The following ANXA7 variants were observed in gnomAD, a reference collection of about 807,000 sequenced individuals.
The protein encoded by ANXA7 is annexin A7.
Under a neutral mutation model 64.9 loss-of-function variants are expected in ANXA7, and 55 were observed. The observed-to-expected ratio is 0.85, with a 90% CI of 0.68 to 1.06. The LOEUF (loss-of-function observed/expected upper bound fraction) is 1.06, where lower values mean the gene tolerates loss of function less well. ANXA7 is among the 50% of genes least tolerant of loss of function. The probability of loss-of-function intolerance (pLI) is 0.00; values close to 1 mark genes in which losing one functional copy is unlikely to be tolerated. For synonymous variants in ANXA7, 200 were observed against 192.4 expected, an observed-to-expected ratio of 1.04 and a Z score of -0.33; for missense variants, 548 against 582.1, an observed-to-expected ratio of 0.94 and a Z score of 0.60.
intron 5 of ANXA7, among the ~76,000 whole-genome samples, chr10:73,389,460 G>A (rs1334992754): frequency 6.6e-6 from 1 of 152,172 alleles, no homozygotes; most frequent in Non-Finnish European, 1.5e-5. Context: ...GTTATTTCCT[G>A]ATTTTGATCA....
At position 73,376,048 on chromosome 10, in the gene ANXA7, A is replaced by G. The variant is rs1315694039; in HGVS notation, c.*47T>C. On this transcript the variant is annotated 3_prime_UTR_variant, in exon 13 of 13. Coordinates refer to ENST00000372921, the MANE Select transcript of ANXA7 (RefSeq NM_001156.5). Reference sequence around the variant, plus strand: ...CATGCAGGTCATTGCTCTGAAGGATAAGCTATGAATAGAAATTTTTTTTCA... The same window carrying G: ...CATGCAGGTCATTGCTCTGAAGGATGAGCTATGAATAGAAATTTTTTTTCA... 2.7e-6 allele frequency: 4 copies of G among 1,461,994 alleles called. No individual in the cohort carries two copies. The highest frequency in any genetic ancestry group is 1.4e-5 in the African/African-American group (1 of 69,140). The allele number at this position is 1,461,994 out of a possible 1,614,324, so 90.6% of individuals were successfully genotyped here. A position where few individuals can be genotyped will look rare whatever the true frequency, so the allele number is the denominator to read the frequency against.
chr10:73,403,752 T>C lies in ANXA7; in HGVS notation c.-1-2895A>G, dbSNP rs745801764. ...TCCCCTCCAGAGGGGCTGTACCAAT[T>C]TGCATTTTCACCAGCACTGCCAACA... On this transcript the variant is annotated intron_variant, in intron 1 of 12. Coordinates refer to ENST00000372921, the MANE Select transcript of ANXA7 (RefSeq NM_001156.5). 4.9e-4 allele frequency among the ~76,000 whole-genome samples: 75 copies of C among 152,344 alleles called. 3 individuals are homozygous for C. The highest frequency in any genetic ancestry group is 1.0e-3 in the South Asian group (5 of 4,832).
intron 1 of ANXA7, among the ~76,000 whole-genome samples, 168 bp from the exon 2 acceptor site, chr10:73,401,025 C>T (rs774717308): frequency 1.3e-5 from 2 of 152,108 alleles, no homozygotes; most frequent in Non-Finnish European, 2.9e-5. Flanking sequence ...CCTGCCTCAG[C>T]CTCCCAAGTA....
chr10:73,401,263 A>AT (rs1554818167), intron 1 of ANXA7, among the ~76,000 whole-genome samples: 4,536 of 148,116 alleles, frequency 0.031, 230 homozygotes, highest in African/African-American at 0.1. Context: ...ACACATACAC[A>AT]ACACACACAC....
At position 73,384,673 on chromosome 10, in the gene ANXA7, T is replaced by G. The variant is rs377673500; in HGVS notation, c.634-983A>C. ...GCCTTGGCCTCCCGAAGTGCTGGCA[T>G]TACACACATGAACCACTGTGCCCAG... is the stretch of plus-strand genomic sequence containing the variant. On this transcript the variant is annotated intron_variant, in intron 7 of 12. Coordinates refer to ENST00000372921, the MANE Select transcript of ANXA7 (RefSeq NM_001156.5). Among the ~76,000 whole-genome samples, 162 of 152,188 alleles carry G rather than the reference T, an allele frequency of 1.1e-3. 5 individuals are homozygous for G. The South Asian group carries it at 0.033, about 31-fold the overall frequency.
At chr10:73,411,837 C>T (rs1440444011) in intron 1 of ANXA7, among the ~76,000 whole-genome samples, 1 of 150,662 alleles carries the variant, frequency 6.6e-6, no homozygotes, top group African/African-American at 2.4e-5. Context: ...TTCTTTTACC[C>T]ATATATGAAA....
intron 1 of ANXA7, among the ~76,000 whole-genome samples, chr10:73,407,827 C>T (rs561180442): frequency 6.6e-5 from 10 of 152,174 alleles, no homozygotes; most frequent in African/African-American, 1.7e-4. Context: ...TGAGAATAAA[C>T]GGACATAGAT....
Position 73,375,991 on chromosome 10 carries a change from C to A in ANXA7, c.*104G>T. 1.0e-6 allele frequency: 1 copy of A among 977,796 alleles called. No homozygotes were observed. The highest frequency in any genetic ancestry group is 1.4e-6 in the Non-Finnish European group (1 of 699,786). The allele number at this position is 977,796 out of a possible 1,614,324, so 60.6% of individuals were successfully genotyped here. A position where few individuals can be genotyped will look rare whatever the true frequency, so the allele number is the denominator to read the frequency against. On this transcript the variant is annotated 3_prime_UTR_variant, in exon 13 of 13. Coordinates refer to ENST00000372921, the MANE Select transcript of ANXA7 (RefSeq NM_001156.5). ...CCCTGATACGGTCCTTGACAGAAAG[C>A]TCTTTCGGTTAGCTGATGTTTGATA...
At chr10:73,390,745 CATATAT>C (rs202122707) in intron 5 of ANXA7, among the ~76,000 whole-genome samples, 5,307 of 142,740 alleles carry the variant, frequency 0.037, 340 homozygotes, top group African/African-American at 0.13. Context: ...CACACACACA[CATATAT>C]ATATATTGAT....
intron 5 of ANXA7, among the ~76,000 whole-genome samples, chr10:73,394,186 G>A (rs1403679771): frequency 6.6e-6 from 1 of 152,164 alleles, no homozygotes; most frequent in Non-Finnish European, 1.5e-5. Context: ...AGTTAGAATG[G>A]CGATCATTAA....
chr10:73,397,150 C>T lies in ANXA7; in HGVS notation c.370+14G>A, dbSNP rs377412082. 2.1e-6 allele frequency: 3 copies of T among 1,454,646 alleles called. No homozygotes were observed. Among genetic ancestry groups the T allele is most frequent in the Non-Finnish European group, 2.8e-6 (3 of 1,082,538 alleles). The allele number at this position is 1,454,646 out of a possible 1,614,324, so 90.1% of individuals were successfully genotyped here. On this transcript the variant is annotated intron_variant, in intron 4 of 12. Coordinates refer to ENST00000372921, the MANE Select transcript of ANXA7 (RefSeq NM_001156.5). ...TATCATGATACTGTTTTTTTCTGGA[C>T]AGCTGGTACCTACCAGGTAGTGGAA...
chr10:73,395,651 T>C (rs1167331440), intron 5 of ANXA7, among the ~76,000 whole-genome samples: 1 of 151,984 alleles, frequency 6.6e-6, no homozygotes, highest in Non-Finnish European at 1.5e-5. Flanking sequence ...ACAGGTGTAG[T>C]GGCGTGCGCC....
chr10:73,396,088 A>T, intron 5 of ANXA7: 2 of 1,599,838 alleles, frequency 1.3e-6, no homozygotes, highest in Non-Finnish European at 1.7e-6. Context: ...ACAGGATAGG[A>T]AGAAAAAGAA....
At chr10:73,401,506 C>CA (rs1554818213) in intron 1 of ANXA7, among the ~76,000 whole-genome samples, 1 of 147,836 alleles carries the variant, frequency 6.8e-6, no homozygotes, top group East Asian at 2.0e-4. Flanking sequence ...CTTCTTTTCT[C>CA]TTTTTTTTTT....
In ANXA7 at chr10:73,412,210, T is replaced by G. The variant is rs572665167; in HGVS notation, c.-2+1802A>C. Among the ~76,000 whole-genome samples, 7 of 152,002 alleles carry G rather than the reference T, an allele frequency of 4.6e-5. No individual in the cohort carries two copies. In the South Asian group the frequency reaches 1.5e-3, roughly 32 times the overall value. ...TGCCACCACGCCCGGCTAATTTTTG[T>G]ATTTTTAGTAGAGACGGGGTTTCAC... is the stretch of plus-strand genomic sequence containing the variant. On this transcript the variant is annotated intron_variant, in intron 1 of 12. Transcript: ENST00000372921.
Position 73,383,617 on chromosome 10 carries a change from G to A in ANXA7, c.707C>T (p.Pro236Leu). ...EELILALFMP[P>L]TYYDAWSLRK... Reference sequence around the variant, plus strand: ...TAAGCTCCAGGCATCGTAATACGTAGGAGGCATGAAGAGGGCCAGGATCAG... The same window carrying A: ...TAAGCTCCAGGCATCGTAATACGTAAGAGGCATGAAGAGGGCCAGGATCAG... Residue 236 changes from proline to leucine, a missense_variant, in exon 8 of 13, where the codon CCT becomes CTT. Pro to Leu is a moderately conservative substitution (Grantham distance 98). Coordinates refer to ENST00000372921, the MANE Select transcript of ANXA7 (RefSeq NM_001156.5). The A allele has an allele frequency of 6.2e-7, 1 of 1,613,748 alleles. No homozygotes were observed. The highest frequency in any genetic ancestry group is 1.1e-5 in the South Asian group (1 of 91,072).
rs564896022 is a variant in ANXA7, at chr10:73,401,089, A to G, written c.-1-232T>C. ...CCCAGCTAATTTTTATATTTTTTGT[A>G]GAGATGGAGTTTCACCATGTTGGCC... On this transcript the variant is annotated intron_variant, in intron 1 of 12. Transcript: ENST00000372921. Among the ~76,000 whole-genome samples the G allele has an allele frequency of 2.2e-4, 34 of 151,988 alleles. No homozygotes were observed. The South Asian group carries it at 4.0e-3, about 18-fold the overall frequency.
chr10:73,393,534 G>C (rs547436235), intron 5 of ANXA7, among the ~76,000 whole-genome samples: 5 of 152,120 alleles, frequency 3.3e-5, no homozygotes, highest in Non-Finnish European at 7.3e-5. Flanking sequence ...GAACAGAACA[G>C]AGCCCTCAGA....
At chr10:73,400,078 A>C (rs1361616029) in intron 2 of ANXA7, among the ~76,000 whole-genome samples, 1 of 147,906 alleles carries the variant, frequency 6.8e-6, no homozygotes, top group Non-Finnish European at 1.5e-5. Flanking sequence ...AGGAGGCATA[A>C]GTTGCAGTGA....
Sources: gnomAD v4.1 joint callset for allele counts (sites outside exome capture counted in the v4.1 genomes callset) on GRCh38, gnomAD v4.1.1 for gene constraint, MANE v1.5 for transcripts, NCBI Gene and HGNC (gene_info 2026-07-23, HGNC 2026-07-21) for gene names.